GSN: variants seen among roughly 807,000 people sequenced by gnomAD.
The protein encoded by GSN is actin-depolymerizing factor.
GSN carries 56 observed loss-of-function variants against 85.7 expected under a neutral mutation model. The observed-to-expected ratio is 0.65, with a 90% CI of 0.53 to 0.82. The LOEUF (loss-of-function observed/expected upper bound fraction) is 0.82. Ranked by LOEUF, GSN falls within the 40% of genes least tolerant of loss-of-function variation. The pLI, the probability that GSN is intolerant of heterozygous loss-of-function variation, is 0.00. For synonymous variants in GSN, 373 were observed against 399.1 expected (o/e 0.93, Z 0.78); for missense variants, 857 against 979.8 (o/e 0.87, Z 1.67).
chr9:121,301,639 A>G (rs138368407), intron 2 of GSN, among the ~76,000 whole-genome samples: 5,252 of 151,556 alleles, frequency 0.035, 283 homozygotes, highest in East Asian at 0.13. Context: ...AAAAAAAAAA[A>G]AAAAAGAAAA....
chr9:121,299,188 A>G lies in GSN; in HGVS notation c.-9-2775A>G. ...AAAAAACAAACACTTTTTAAAAAGAAGGAAAGAAAAGTAGGAGGGGCTATC... is the reference window on the plus strand; with the variant it reads ...AAAAAACAAACACTTTTTAAAAAGAGGGAAAGAAAAGTAGGAGGGGCTATC... On this transcript the variant is annotated intron_variant, in intron 2 of 17. Coordinates refer to ENST00000432226, the MANE Select transcript of GSN (RefSeq NM_198252.3). This position sits in a 1 kb window ranked among gnomAD's most constrained non-coding sequence, Gnocchi z 4.2. The G allele has an allele frequency of 3.0e-6, 1 of 334,174 alleles. No homozygotes were observed. Among genetic ancestry groups the G allele is most frequent in the Non-Finnish European group, 4.3e-6 (1 of 234,122 alleles). 20.7% of individuals were successfully genotyped at this position (334,174 alleles called of 1,614,324 possible). A position where few individuals can be genotyped will look rare whatever the true frequency, so the allele number is the denominator to read the frequency against.
At chr9:121,236,181 T>C (rs1362009543) in intron 5 of GSN, among the ~76,000 whole-genome samples, 1 of 152,118 alleles carries the variant, frequency 6.6e-6, no homozygotes, top group African/African-American at 2.4e-5. Context: ...CTTTTTTTTC[T>C]TTTTCCATTA....
intron 6 of GSN, among the ~76,000 whole-genome samples, chr9:121,249,247 C>G (rs1167147138): frequency 6.6e-6 from 1 of 151,986 alleles, no homozygotes; most frequent in Non-Finnish European, 1.5e-5. Flanking sequence ...TCACCTGACT[C>G]CAGGAGTTTG....
chr9:121,270,896 C>T (rs1310937001), intron 1 of GSN, among the ~76,000 whole-genome samples: 1 of 152,054 alleles, frequency 6.6e-6, no homozygotes, highest in African/African-American at 2.4e-5. Context: ...TGTCTGCGGC[C>T]TCTGGGTGTG....
At chr9:121,316,524 G>A (rs774532328) in intron 7 of GSN, among the ~76,000 whole-genome samples, 5 of 152,116 alleles carry the variant, frequency 3.3e-5, no homozygotes, top group Non-Finnish European at 7.4e-5. Flanking sequence ...AGGCTGGAGT[G>A]TAGTGACGCA....
chr9:121,299,986 G>A lies in GSN; in HGVS notation c.-9-1977G>A, dbSNP rs757935497. 4 of 1,418,218 alleles carry A rather than the reference G, an allele frequency of 2.8e-6. No homozygotes were observed. Among genetic ancestry groups the A allele is most frequent in the African/African-American group, 1.5e-5 (1 of 68,444 alleles). The allele number at this position is 1,418,218 out of a possible 1,614,324, so 87.9% of individuals were successfully genotyped here. ...GCGTCCCAGGCGGGGGCGCCCCAGG[G>A]GCGGGTGCCCGAGGCGCGGGTGAGT... On this transcript the variant is annotated intron_variant, in intron 2 of 17. Transcript: ENST00000432226. The surrounding 1 kb of genome is among the most constrained non-coding windows in gnomAD (Gnocchi z 4.2).
intron 6 of GSN, among the ~76,000 whole-genome samples, chr9:121,254,883 A>G (rs2054918362): frequency 6.6e-6 from 1 of 152,194 alleles, no homozygotes; most frequent in Admixed American, 6.5e-5. Context: ...AGTTTCTTAT[A>G]TACCCTTACA....
chr9:121,321,010 C>A (rs903426864), intron 10 of GSN, among the ~76,000 whole-genome samples: 1 of 152,154 alleles, frequency 6.6e-6, no homozygotes, highest in Non-Finnish European at 1.5e-5. Context: ...GCTGCCTTGA[C>A]GATCCTCAGC....
chr9:121,234,429 T>C (rs1016456702), intron 5 of GSN, among the ~76,000 whole-genome samples: 2 of 152,192 alleles, frequency 1.3e-5, no homozygotes, highest in Non-Finnish European at 1.5e-5. Context: ...CAAGCAGTTA[T>C]CTCCCCATGG....
intron 2 of GSN, among the ~76,000 whole-genome samples, chr9:121,290,020 T>G (rs1588807199): frequency 6.6e-6 from 1 of 151,238 alleles, no homozygotes; most frequent in African/African-American, 2.4e-5. Context: ...GTGGCTGGAG[T>G]GTGGGGGTGA....
Position 121,312,461 on chromosome 9 carries a change from G to A in GSN, c.636G>A (p.Glu212=), listed in dbSNP as rs778365110. The A allele has an allele frequency of 7.4e-6, 12 of 1,613,724 alleles. No individual in the cohort carries two copies. In the African/African-American group the frequency reaches 1.5e-4, roughly 20 times the overall value. ...SGRARVHVSE[E]GTEPEAMLQV... ...GGGCCCGAGTGCACGTGTCTGAGGAGGGCACTGAGCCCGAGGCGATGCTCC... is the reference window on the plus strand; with the variant it reads ...GGGCCCGAGTGCACGTGTCTGAGGAAGGCACTGAGCCCGAGGCGATGCTCC... Residue 212 remains glutamate, a synonymous_variant, in exon 6 of 18, where the codon GAG becomes GAA. Coordinates refer to ENST00000432226, the MANE Select transcript of GSN (RefSeq NM_198252.3).
chr9:121,211,692 G>A (rs1203536359), intron 4 of GSN, among the ~76,000 whole-genome samples: 1 of 152,026 alleles, frequency 6.6e-6, no homozygotes, highest in Non-Finnish European at 1.5e-5. Context: ...GGAATGTAGA[G>A]AGGTTAGTTG....
chr9:121,326,582 A>ACAAGGGCGGCACCTCCCG lies in GSN; in HGVS notation c.1489_1506dup (p.Lys497_Arg502dup). 6.2e-7 allele frequency: 1 copy of ACAAGGGCGGCACCTCCCG among 1,613,642 alleles called. No individual in the cohort carries two copies. Among genetic ancestry groups the ACAAGGGCGGCACCTCCCG allele is most frequent in the African/African-American group, 1.3e-5 (1 of 75,052 alleles). On this transcript the variant is annotated inframe_insertion, in exon 13 of 18. Transcript: ENST00000432226. ...TTTGGTGGGAAGCCCATGATCATCT[A>ACAAGGGCGGCACCTCCCG]CAAGGGCGGCACCTCCCGCGAGGGC...
chr9:121,315,626 G>A (rs959455890), intron 7 of GSN, among the ~76,000 whole-genome samples: 6 of 152,050 alleles, frequency 3.9e-5, no homozygotes, highest in East Asian at 3.9e-4. Flanking sequence ...TTAGCCAGGC[G>A]TGGTGGCGGG....
At chr9:121,311,480 T>G (rs1044318381) in intron 5 of GSN, 3 of 158,710 alleles carry the variant, frequency 1.9e-5, no homozygotes, top group African/African-American at 7.2e-5. Context: ...TATTAAAGCG[T>G]CATGGGCACA....
intron 4 of GSN, among the ~76,000 whole-genome samples, chr9:121,228,422 A>AT (rs1309338321): frequency 4.8e-4 from 28 of 58,188 alleles, no homozygotes; most frequent in Non-Finnish European, 6.0e-4. Context: ...ATATATATAT[A>AT]TATTTTTTTT....
intron 4 of GSN, among the ~76,000 whole-genome samples, chr9:121,218,634 C>CA (rs775793879): frequency 7.3e-5 from 11 of 151,092 alleles, no homozygotes; most frequent in African/African-American, 1.2e-4. Flanking sequence ...GTCTCTGTCT[C>CA]AAAAAAAATA....
chr9:121,218,394 G>A (rs1199323719), intron 4 of GSN, among the ~76,000 whole-genome samples: 1 of 152,220 alleles, frequency 6.6e-6, no homozygotes. Flanking sequence ...CAGTGCTTTG[G>A]GAGGCTGAGG....
intron 4 of GSN, among the ~76,000 whole-genome samples, chr9:121,227,912 C>T (rs2054301185): frequency 1.3e-5 from 2 of 152,152 alleles, no homozygotes; most frequent in South Asian, 4.1e-4. Flanking sequence ...GGATTCATCC[C>T]AGCTTCAGCC....
Sources: allele counts gnomAD v4.1 joint callset (sites outside exome capture counted in the v4.1 genomes callset), GRCh38; gene constraint gnomAD v4.1.1; non-coding constraint Gnocchi (gnomAD v3.1); transcripts MANE v1.5; gene names NCBI Gene and HGNC (gene_info 2026-07-23, HGNC 2026-07-21).